MAN2C1: variants seen among roughly 807,000 people sequenced by gnomAD.
MAN2C1 encodes the protein mannosidase alpha class 2C member 1.
A neutral mutation model predicts 126.9 loss-of-function variants in MAN2C1; 111 were observed. The ratio of observed to expected loss-of-function variants is 0.87; its 90% confidence interval spans 0.75 to 1.02. MAN2C1 has a LOEUF of 1.02. Among genes scored for constraint, MAN2C1 ranks in the 50% least tolerant of loss-of-function variants. The pLI is 0.00. For synonymous variants in MAN2C1, 567 were observed against 561.5 expected (o/e 1.01, Z -0.14); for missense variants, 1,363 against 1,364.4 (o/e 1.00, Z 0.02).
chr15:75,356,903 C>A lies in MAN2C1; in HGVS notation c.2548-1G>T, dbSNP rs781112054. ...GATCCATCCAGCGATGGGCCCACAC[C>A]TGGAGGGCAGATCCAAGACCCACTT... On this transcript the variant is annotated splice_acceptor_variant, in intron 21 of 25. Coordinates refer to ENST00000267978, the MANE Select transcript of MAN2C1 (RefSeq NM_006715.4). LOFTEE classifies it high-confidence loss of function. The surrounding 1 kb of genome is among the most constrained non-coding windows in gnomAD (Gnocchi z 5.8). The A allele has an allele frequency of 9.3e-6, 15 of 1,613,548 alleles. No homozygotes were observed. In the South Asian group the frequency reaches 1.3e-4, roughly 14 times the overall value.
chr15:75,360,830 G>T, intron 12 of MAN2C1, 142 bp from the exon 13 acceptor site: 1 of 1,224,332 alleles, frequency 8.2e-7, no homozygotes, highest in Non-Finnish European at 1.1e-6. Flanking sequence ...AGCCCTGGAC[G>T]CCCTAGGAGA....
chr15:75,363,562 T>C (rs1161644422), intron 6 of MAN2C1, among the ~76,000 whole-genome samples: 2 of 152,158 alleles, frequency 1.3e-5, no homozygotes, highest in Non-Finnish European at 2.9e-5. Context: ...TCCCAGCACT[T>C]TGGGAGGCCA....
intron 6 of MAN2C1, chr15:75,363,131 C>T: frequency 2.2e-6 from 1 of 453,144 alleles, no homozygotes; most frequent in Non-Finnish European, 4.4e-6. Context: ...GCCAGCTGTC[C>T]TACCAGAGGT....
chr15:75,367,866 G>C, intron 2 of MAN2C1: 2 of 879,644 alleles, frequency 2.3e-6, no homozygotes, highest in Non-Finnish European at 1.7e-6. Flanking sequence ...GATGTCCAGA[G>C]GCGGCCACGT....
chr15:75,367,976 G>A, intron 2 of MAN2C1, 97 bp downstream of exon 2: 1 of 1,436,546 alleles, frequency 7.0e-7, no homozygotes, highest in Non-Finnish European at 9.3e-7. Flanking sequence ...CCACGTAGTT[G>A]TCTACGGCAG....
chr15:75,362,067 CCAGAACTCAG>C lies in MAN2C1; in HGVS notation c.1009-130_1009-121del, dbSNP rs2072481615. On this transcript the variant is annotated intron_variant, in intron 8 of 25. Transcript: ENST00000267978. This position sits in a 1 kb window ranked among gnomAD's most constrained non-coding sequence, Gnocchi z 4.5. ...GGCTGCTCAAACATGGGAGTTACAG[CCAGAACTCAG>C]GAAGGGCCCCTGTCCTTCAGGCCTG... 4 of 804,338 alleles carry C rather than the reference CCAGAACTCAG, an allele frequency of 5.0e-6. No individual in the cohort carries two copies. The highest frequency in any genetic ancestry group is 8.3e-6 in the Non-Finnish European group (4 of 479,846). 49.8% of individuals were successfully genotyped at this position (804,338 alleles called of 1,614,324 possible).
chr15:75,357,874 C>T (rs2072368809), intron 21 of MAN2C1: 1 of 298,452 alleles, frequency 3.4e-6, no homozygotes, highest in Non-Finnish European at 6.6e-6. Flanking sequence ...CCACCTCAGC[C>T]TCCCAAACTG....
In MAN2C1 at chr15:75,367,639, AAG is replaced by A. The variant is rs1595880203; in HGVS notation, c.228-7_228-6del. 1 of 1,614,120 alleles carries A rather than the reference AAG, an allele frequency of 6.2e-7. No individual in the cohort carries two copies. The highest frequency in any genetic ancestry group is 2.2e-5 in the East Asian group (1 of 44,882). ...CGGAACCAGCAGGTCCACCATCTGCAAGAGAGCTGTTGTGATAGGCCTAGAGG... is the reference window on the plus strand; with the variant it reads ...CGGAACCAGCAGGTCCACCATCTGCAAGAGCTGTTGTGATAGGCCTAGAGG... On this transcript the variant is annotated splice_region_variant and splice_polypyrimidine_tract_variant and intron_variant, in intron 2 of 25. Coordinates refer to ENST00000267978, the MANE Select transcript of MAN2C1 (RefSeq NM_006715.4).
In MAN2C1 at chr15:75,361,536, G is replaced by C; in HGVS notation, c.1218+68C>G. Reference sequence around the variant, plus strand: ...GTCTGTCTAGGACCCCACAATAAGGGGGAGAGGCAAATGGGCCAGGCGGGA... The same window carrying C: ...GTCTGTCTAGGACCCCACAATAAGGCGGAGAGGCAAATGGGCCAGGCGGGA... On this transcript the variant is annotated intron_variant, in intron 10 of 25. Coordinates refer to ENST00000267978, the MANE Select transcript of MAN2C1 (RefSeq NM_006715.4). The surrounding 1 kb of genome is among the most constrained non-coding windows in gnomAD (Gnocchi z 5.0). 1 of 1,357,756 alleles carries C rather than the reference G, an allele frequency of 7.4e-7. No homozygotes were observed. The highest frequency in any genetic ancestry group is 2.3e-5 in the East Asian group (1 of 43,676). 84.1% of individuals were successfully genotyped at this position (1,357,756 alleles called of 1,614,324 possible).
At chr15:75,363,927 GCTTCTAGGGCACATCCAGGT>G in intron 6 of MAN2C1, 52 bp downstream of exon 6, 1 of 1,527,850 alleles carries the variant, frequency 6.5e-7, no homozygotes, top group Non-Finnish European at 9.0e-7. Flanking sequence ...ATCACACAGT[GCTTCTAGGGCACATCCAGGT>G]CTTCAAGGGC....
In MAN2C1 at chr15:75,362,248, C is replaced by T. The variant is rs537773376; in HGVS notation, c.1008+95G>A. 1.9e-5 allele frequency: 21 copies of T among 1,085,354 alleles called. No individual in the cohort carries two copies. Among genetic ancestry groups the T allele is most frequent in the African/African-American group, 1.4e-4 (9 of 64,512 alleles). 67.2% of individuals were successfully genotyped at this position (1,085,354 alleles called of 1,614,324 possible). The stretch of plus-strand genomic sequence containing the variant: ...TGCCACACAGCGGGGATGAGTGGCC[C>T]GTGGAAACTCACCAGCAAAGCCGGG... On this transcript the variant is annotated intron_variant, in intron 8 of 25. Coordinates refer to ENST00000267978, the MANE Select transcript of MAN2C1 (RefSeq NM_006715.4). The surrounding 1 kb of genome is among the most constrained non-coding windows in gnomAD (Gnocchi z 4.5).
In MAN2C1 at chr15:75,356,253, G is replaced by A. The variant is rs1457867601; in HGVS notation, c.2887-34C>T. 1 of 1,612,184 alleles carries A rather than the reference G, an allele frequency of 6.2e-7. No homozygotes were observed. The highest frequency in any genetic ancestry group is 8.5e-7 in the Non-Finnish European group (1 of 1,179,342). ...GAACACGTCTGGTGGGAGGGGCCGA[G>A]GGCAGGCCCAGTTCGGAACCCCGTC... is the stretch of plus-strand genomic sequence containing the variant. On this transcript the variant is annotated intron_variant, in intron 24 of 25. Transcript: ENST00000267978. This position sits in a 1 kb window ranked among gnomAD's most constrained non-coding sequence, Gnocchi z 5.8.
Position 75,356,698 on chromosome 15 carries a change from G to C in MAN2C1, c.2658-13C>G, listed in dbSNP as rs370025675. On this transcript the variant is annotated splice_polypyrimidine_tract_variant and intron_variant, in intron 22 of 25. Transcript: ENST00000267978. This position sits in a 1 kb window ranked among gnomAD's most constrained non-coding sequence, Gnocchi z 5.8. ...AGGCGCCCGCAAGCTGGGGTGAGGA[G>C]GGCGCGTAGGGGCCACGCTGAAGCT... The C allele has an allele frequency of 9.3e-6, 15 of 1,604,448 alleles. No homozygotes were observed. Among genetic ancestry groups the C allele is most frequent in the African/African-American group, 4.0e-5 (3 of 74,682 alleles).
rs560887393 is a variant in MAN2C1 at position 75,356,280 on chromosome 15, C to G, written c.2886+21G>C. The G allele has an allele frequency of 1.2e-6, 2 of 1,611,624 alleles. No individual in the cohort carries two copies. The highest frequency in any genetic ancestry group is 2.7e-5 in the African/African-American group (2 of 74,882). ...GCAGGCCCAGTTCGGAACCCCGTCCCCAGCACGTCCCACCCCTTGCCTGCT... is the reference window on the plus strand; with the variant it reads ...GCAGGCCCAGTTCGGAACCCCGTCCGCAGCACGTCCCACCCCTTGCCTGCT... On this transcript the variant is annotated intron_variant, in intron 24 of 25. Transcript: ENST00000267978. This position sits in a 1 kb window ranked among gnomAD's most constrained non-coding sequence, Gnocchi z 5.8.
intron 6 of MAN2C1, chr15:75,363,754 C>T (rs1448347077): frequency 8.5e-6 from 4 of 472,612 alleles, no homozygotes; most frequent in Non-Finnish European, 1.5e-5. Flanking sequence ...TGCAGTGAGC[C>T]GAGATCACAC....
In MAN2C1 at chr15:75,356,165, C is replaced by G; in HGVS notation, c.2941G>C (p.Gly981Arg). The G allele has an allele frequency of 6.2e-7, 1 of 1,613,604 alleles. No individual in the cohort carries two copies. Among genetic ancestry groups the G allele is most frequent in the African/African-American group, 1.3e-5 (1 of 75,054 alleles). ...TGCAGCCAGCAGTCCACGTGGCTGC[C>G]GTGGGCCTCATACAGCCTCAGGACC... ...SLVLRLYEAH[G>R]SHVDCWLHLS... The change falls in exon 25 of 26, where the codon GGC becomes CGC. Residue 981 changes from glycine (G) to arginine (R), a missense_variant. This residue lies in a region of MAN2C1 where 668 missense variants were observed against 650.1 expected (regional missense o/e 1.03). Coordinates refer to ENST00000267978, the MANE Select transcript of MAN2C1 (RefSeq NM_006715.4). The surrounding 1 kb of genome is among the most constrained non-coding windows in gnomAD (Gnocchi z 5.8).
At position 75,356,579 on chromosome 15, in the gene MAN2C1, G is replaced by A. The variant is rs999229510; in HGVS notation, c.2737+27C>T. On this transcript the variant is annotated intron_variant, in intron 23 of 25. Transcript: ENST00000267978. This position sits in a 1 kb window ranked among gnomAD's most constrained non-coding sequence, Gnocchi z 5.8. ...GGCAGAGAGGTGTCTAGGGCTGCAG[G>A]AAGGCCCCACCGTCCCCAGCACTCA... 14 of 1,553,104 alleles carry A rather than the reference G, an allele frequency of 9.0e-6. No individual in the cohort carries two copies. The Admixed American group carries it at 9.8e-5, about 11-fold the overall frequency.
Position 75,362,535 on chromosome 15 carries a change from T to C in MAN2C1, c.898-82A>G. The C allele has an allele frequency of 1.3e-6, 2 of 1,522,324 alleles. No individual in the cohort carries two copies. Among genetic ancestry groups the C allele is most frequent in the South Asian group, 1.2e-5 (1 of 86,218 alleles). 94.3% of individuals were successfully genotyped at this position (1,522,324 alleles called of 1,614,324 possible). A position where few individuals can be genotyped will look rare whatever the true frequency, so the allele number is the denominator to read the frequency against. On this transcript the variant is annotated intron_variant, in intron 7 of 25. Coordinates refer to ENST00000267978, the MANE Select transcript of MAN2C1 (RefSeq NM_006715.4). This position sits in a 1 kb window ranked among gnomAD's most constrained non-coding sequence, Gnocchi z 4.5. ...GAGCATATGGGACTCAGTGTGTGGC[T>C]GAGGGTGAGGAGCAGCCCTGACCCC... is the stretch of plus-strand genomic sequence containing the variant.
chr15:75,359,168 G>T lies in MAN2C1; in HGVS notation c.2047-15C>A. On this transcript the variant is annotated splice_polypyrimidine_tract_variant and intron_variant, in intron 17 of 25. Coordinates refer to ENST00000267978, the MANE Select transcript of MAN2C1 (RefSeq NM_006715.4). ...GAGCCATCAGTCTTTGTGGGAGGAG[G>T]CCTTGAGGCTGAGTCTGTAGGGGCT... 1 of 1,613,716 alleles carries T rather than the reference G, an allele frequency of 6.2e-7. No individual in the cohort carries two copies. Among genetic ancestry groups the T allele is most frequent in the African/African-American group, 1.3e-5 (1 of 75,064 alleles).
Sources: gnomAD v4.1 joint callset for allele counts (sites outside exome capture counted in the v4.1 genomes callset) on GRCh38, gnomAD v4.1.1 for gene constraint, gnomAD v4.1.1 regional missense constraint, Gnocchi (gnomAD v3.1) non-coding constraint, MANE v1.5 for transcripts, NCBI Gene and HGNC (gene_info 2026-07-23, HGNC 2026-07-21) for gene names.